DOCK9: variants seen among roughly 807,000 people sequenced by gnomAD.
DOCK9 encodes dedicator of cytokinesis protein 9.
Under a neutral mutation model 263.3 loss-of-function variants are expected in DOCK9, and 89 were observed. The observed-to-expected ratio is 0.34, with a 90% CI of 0.28 to 0.40. DOCK9 has a LOEUF of 0.40. DOCK9 is among the 10% of genes least tolerant of loss of function. The probability of loss-of-function intolerance (pLI) is 1.00; values close to 1 mark genes in which losing one functional copy is unlikely to be tolerated. For missense variants in DOCK9, 2,140 were observed against 2,603.4 expected (o/e 0.82, Z 3.87); for synonymous variants, 976 against 973.1 (o/e 1.00, Z -0.06).
chr13:99,022,207 G>C (rs1886204649), intron 1 of DOCK9, among the ~76,000 whole-genome samples: 1 of 152,126 alleles, frequency 6.6e-6, no homozygotes, highest in African/African-American at 2.4e-5. Context: ...AAGGTGACGG[G>C]CAGGTCCAGA....
intron 27 of DOCK9, among the ~76,000 whole-genome samples, chr13:98,878,069 C>T (rs1290815818): frequency 6.6e-6 from 1 of 152,126 alleles, no homozygotes; most frequent in African/African-American, 2.4e-5. Flanking sequence ...TAAGGTGGTT[C>T]TTAATCCAGT....
upstream of DOCK9, among the ~76,000 whole-genome samples, chr13:98,981,810 G>T (rs1162403866): frequency 6.6e-6 from 1 of 152,230 alleles, no homozygotes; most frequent in Non-Finnish European, 1.5e-5. Flanking sequence ...TCATGAGACT[G>T]ATGTGTGAGG....
At chr13:99,057,897 A>G (rs763548434) in intron 1 of DOCK9, among the ~76,000 whole-genome samples, 2 of 152,174 alleles carry the variant, frequency 1.3e-5, no homozygotes, top group Non-Finnish European at 2.9e-5. Flanking sequence ...CACTGTAATA[A>G]TACACTGTAA....
At position 98,809,442 on chromosome 13, in the gene DOCK9, C is replaced by A; in HGVS notation, c.5277G>T (p.Thr1759=). ...TCACTTTGCTGTAGGCCCGGTGCAG[C>A]GTGTCATACAGATGGGCCAGCCTCT... is the stretch of plus-strand genomic sequence containing the variant. ...DFERLAHLYD[T]LHRAYSKVTE... Residue 1759 remains threonine (T), a synonymous_variant, in exon 47 of 53, where the codon ACG becomes ACT. Transcript: ENST00000682017. 1 of 1,608,618 alleles carries A rather than the reference C, an allele frequency of 6.2e-7. No homozygotes were observed. The highest frequency in any genetic ancestry group is 8.5e-7 in the Non-Finnish European group (1 of 1,178,230).
rs192116428 is a variant in DOCK9, at chr13:98,815,870, G to C, written c.5131-5579C>G. Among the ~76,000 whole-genome samples the C allele has an allele frequency of 2.9e-3, 444 of 152,280 alleles. 2 individuals carry two copies. The highest frequency in any genetic ancestry group is 4.2e-3 in the Non-Finnish European group (289 of 68,024). On this transcript the variant is annotated intron_variant, in intron 45 of 52. Transcript: ENST00000682017. ...AGATGTAAATCTACAATGACACCCT[G>C]TCCTTTGTGGATCAGATTGGAGACA...
chr13:98,811,425 T>TC (rs929810876), intron 45 of DOCK9, among the ~76,000 whole-genome samples: 63 of 61,378 alleles, frequency 1.0e-3, no homozygotes, highest in Admixed American at 2.2e-3. Context: ...GTCTCTAGGG[T>TC]TTTTTTTTTA....
chr13:98,950,574 G>A (rs2057295122), intron 2 of DOCK9: 1 of 301,252 alleles, frequency 3.3e-6, no homozygotes, highest in South Asian at 7.0e-5. Flanking sequence ...AAGTGCTGGG[G>A]TTACAGGCGT....
chr13:98,938,230 T>C (rs1276596076), intron 2 of DOCK9, among the ~76,000 whole-genome samples: 1 of 152,238 alleles, frequency 6.6e-6, no homozygotes, highest in Non-Finnish European at 1.5e-5. Context: ...AATCGTTTCA[T>C]TCAACTTCTG....
At chr13:99,070,754 C>T (rs1381810543) in intron 1 of DOCK9, among the ~76,000 whole-genome samples, 1 of 152,210 alleles carries the variant, frequency 6.6e-6, no homozygotes, top group Non-Finnish European at 1.5e-5. Context: ...TTCTCATGCA[C>T]TATATCCTAC....
Position 98,845,828 on chromosome 13 carries a change from T to C in DOCK9, c.4198+96A>G, listed in dbSNP as rs987162638. 6 of 1,488,192 alleles carry C rather than the reference T, an allele frequency of 4.0e-6. No homozygotes were observed. The African/African-American group carries it at 5.5e-5, about 14-fold the overall frequency. 92.2% of individuals were successfully genotyped at this position (1,488,192 alleles called of 1,614,324 possible). A position where few individuals can be genotyped will look rare whatever the true frequency, so the allele number is the denominator to read the frequency against. The stretch of plus-strand genomic sequence containing the variant: ...TACTTGCTTTGAGCTAGAAGAAAAA[T>C]TGAGTTGGTGATGTGGTAGGTGTGG... On this transcript the variant is annotated intron_variant, in intron 38 of 52. Transcript: ENST00000682017.
chr13:98,866,764 A>C (rs1257802003), intron 30 of DOCK9, among the ~76,000 whole-genome samples: 1 of 152,216 alleles, frequency 6.6e-6, no homozygotes, highest in Non-Finnish European at 1.5e-5. Context: ...AGGGCTATGA[A>C]AATAGTAGAA....
intron 1 of DOCK9, among the ~76,000 whole-genome samples, chr13:99,028,237 C>T (rs1176094810): frequency 2.0e-5 from 3 of 152,138 alleles, no homozygotes; most frequent in Non-Finnish European, 4.4e-5. Flanking sequence ...AGCCAAGAGG[C>T]CAGTGAGGAG....
intron 45 of DOCK9, among the ~76,000 whole-genome samples, 152 bp from the exon 46 acceptor site, chr13:98,810,443 A>T (rs1375870917): frequency 6.6e-6 from 1 of 152,124 alleles, no homozygotes; most frequent in Non-Finnish European, 1.5e-5. Flanking sequence ...TTACAACAAC[A>T]TTCTTTTTTA....
chr13:98,863,695 A>G, intron 30 of DOCK9, 147 bp from the exon 31 acceptor site: 1 of 785,264 alleles, frequency 1.3e-6, no homozygotes. Context: ...CTTGGCTTCA[A>G]ATGAGAAAGA....
intron 1 of DOCK9, among the ~76,000 whole-genome samples, chr13:99,082,079 C>G (rs1203296997): frequency 6.6e-6 from 1 of 151,930 alleles, no homozygotes; most frequent in African/African-American, 2.4e-5. Flanking sequence ...ATTAGCTAGG[C>G]GTGGTGGTGC....
chr13:98,816,439 T>G (rs1339290271), intron 45 of DOCK9, among the ~76,000 whole-genome samples: 2 of 152,056 alleles, frequency 1.3e-5, no homozygotes, highest in Non-Finnish European at 2.9e-5. Flanking sequence ...CAACGGGTAC[T>G]GATTCATTTA....
chr13:98,834,266 C>T (rs1416217979), intron 39 of DOCK9: 5 of 152,064 alleles, frequency 3.3e-5, no homozygotes, highest in African/African-American at 4.8e-5. Flanking sequence ...GTAACTGGAA[C>T]GAAGTTAATT....
chr13:99,012,083 T>G (rs1410773473), intron 1 of DOCK9, among the ~76,000 whole-genome samples: 1 of 152,232 alleles, frequency 6.6e-6, no homozygotes, highest in East Asian at 1.9e-4. Flanking sequence ...CCCAAAGTGC[T>G]GGGACTACAG....
intron 46 of DOCK9, among the ~76,000 whole-genome samples, chr13:98,809,799 C>T (rs1006861657): frequency 2.6e-5 from 4 of 152,330 alleles, no homozygotes; most frequent in African/African-American, 9.6e-5. Flanking sequence ...ACTGGATGAC[C>T]TCCCAAGCCC....
Sources: gnomAD v4.1 joint callset for allele counts (sites outside exome capture counted in the v4.1 genomes callset) on GRCh38, gnomAD v4.1.1 for gene constraint, MANE v1.5 for transcripts, NCBI Gene and HGNC (gene_info 2026-07-23, HGNC 2026-07-21) for gene names.